Variants in RAB37 observed in about 807,000 individuals in gnomAD.
RAB37 encodes RAB37, member RAS oncogene family, also known as ras-related protein Rab-37.
RAB37 carries 29 observed loss-of-function variants against 33.1 expected under a neutral mutation model. That is an observed-to-expected ratio of 0.88 (90% CI 0.65 to 1.20). The LOEUF (loss-of-function observed/expected upper bound fraction) is 1.20. Among genes scored for constraint, RAB37 ranks in the 50% most tolerant of loss-of-function variants. The pLI is 0.00. For synonymous variants in RAB37, 128 were observed against 119.5 expected (o/e 1.07, Z -0.47); for missense variants, 299 against 301.1 (o/e 0.99, Z 0.05).
At chr17:74,698,628 A>T in intron 1 of RAB37, 1 of 1,476,974 alleles carries the variant, frequency 6.8e-7, no homozygotes, top group South Asian at 1.4e-5. Flanking sequence ...ACTCCTGGGG[A>T]TCCTCAAAGA....
At chr17:74,681,611 C>T (rs2031956254) in intron 1 of RAB37, among the ~76,000 whole-genome samples, 2 of 152,230 alleles carry the variant, frequency 1.3e-5, no homozygotes, top group South Asian at 4.1e-4. Flanking sequence ...CTTGGGAAAA[C>T]AGAGGGGCAC....
At position 74,729,661 on chromosome 17, in the gene RAB37, G is replaced by A. The variant is rs1432320954; in HGVS notation, c.183+295G>A. On this transcript the variant is annotated intron_variant, in intron 2 of 7. Coordinates refer to the RAB37 transcript ENST00000340415. The surrounding 1 kb of genome is among the most constrained non-coding windows in gnomAD (Gnocchi z 4.2). Reference sequence around the variant, plus strand: ...GGGTGAGCTGCCTGGCAGGAGCTGCGTGGGACTTTCAGTGGAGGGACACAG... The same window carrying A: ...GGGTGAGCTGCCTGGCAGGAGCTGCATGGGACTTTCAGTGGAGGGACACAG... Among the ~76,000 whole-genome samples the A allele has an allele frequency of 3.3e-5, 5 of 152,036 alleles. No homozygotes were observed. Among genetic ancestry groups the A allele is most frequent in the African/African-American group, 9.7e-5 (4 of 41,400 alleles).
At position 74,744,530 on chromosome 17, in the gene RAB37, C is replaced by T. The variant is rs1218020414; in HGVS notation, c.432+157C>T. On this transcript the variant is annotated intron_variant, in intron 6 of 8. Coordinates refer to ENST00000392613, the MANE Select transcript of RAB37 (RefSeq NM_001006638.3). The surrounding 1 kb of genome is among the most constrained non-coding windows in gnomAD (Gnocchi z 4.2). Reference sequence around the variant, plus strand: ...GACATATCTGGAGGCTTCTGCCCATCCCATCTGCCCCTTCCAGGGAAAGTC... The same window carrying T: ...GACATATCTGGAGGCTTCTGCCCATTCCATCTGCCCCTTCCAGGGAAAGTC... The T allele has an allele frequency of 1.4e-6, 1 of 697,032 alleles. No individual in the cohort carries two copies. Among genetic ancestry groups the T allele is most frequent in the Non-Finnish European group, 2.5e-6 (1 of 406,150 alleles). The allele number at this position is 697,032 out of a possible 1,614,324, so 43.2% of individuals were successfully genotyped here.
At position 74,729,785 on chromosome 17, in the gene RAB37, G is replaced by A. The variant is rs968867822; in HGVS notation, c.183+419G>A. Among the ~76,000 whole-genome samples, 6 of 152,244 alleles carry A rather than the reference G, an allele frequency of 3.9e-5. No individual in the cohort carries two copies. Among genetic ancestry groups the A allele is most frequent in the African/African-American group, 1.4e-4 (6 of 41,542 alleles). On this transcript the variant is annotated intron_variant, in intron 2 of 7. Transcript: ENST00000340415. This position sits in a 1 kb window ranked among gnomAD's most constrained non-coding sequence, Gnocchi z 4.2. The stretch of plus-strand genomic sequence containing the variant: ...CCATCTCCTTCTGGGGCTCCACATT[G>A]GATGAACGCAAGTGGAAGCCAGAAA...
At chr17:74,740,666 G>A (rs190986860) in intron 1 of RAB37, 102 bp from the exon 2 acceptor site, 45 of 846,612 alleles carry the variant, frequency 5.3e-5, no homozygotes, top group East Asian at 1.5e-4. Flanking sequence ...GTCAGCATTC[G>A]TGCCAGCCCC....
intron 1 of RAB37, among the ~76,000 whole-genome samples, chr17:74,692,647 C>T (rs1324769033): frequency 2.0e-5 from 3 of 152,134 alleles, no homozygotes; most frequent in Non-Finnish European, 4.4e-5. Flanking sequence ...TACAATCCCC[C>T]CATCCAACAA....
intron 1 of RAB37, among the ~76,000 whole-genome samples, chr17:74,705,012 C>G (rs1288983546): frequency 1.3e-5 from 2 of 152,196 alleles, no homozygotes. Flanking sequence ...CACTGAAGAG[C>G]ACAACAACGG....
intron 1 of RAB37, chr17:74,703,040 G>A (rs763772328): frequency 1.7e-5 from 28 of 1,613,264 alleles, no homozygotes; most frequent in Non-Finnish European, 2.1e-5. Flanking sequence ...CTTACCTGTT[G>A]TCCAAGTGGT....
chr17:74,715,316 C>A (rs555415248), intron 1 of RAB37, among the ~76,000 whole-genome samples: 1 of 152,288 alleles, frequency 6.6e-6, no homozygotes, highest in African/African-American at 2.4e-5. Flanking sequence ...GCACAGAAAA[C>A]CACAGCAGCT....
chr17:74,705,186 C>G (rs1458226170), intron 1 of RAB37: 3 of 697,458 alleles, frequency 4.3e-6, no homozygotes, highest in Non-Finnish European at 5.3e-6. Context: ...CAGGAGACCC[C>G]TTTCCACAGG....
Position 74,729,261 on chromosome 17 carries a change from C to T in RAB37, c.78C>T (p.Ile26=). 3 of 1,613,360 alleles carry T rather than the reference C, an allele frequency of 1.9e-6. No individual in the cohort carries two copies. Among genetic ancestry groups the T allele is most frequent in the Non-Finnish European group, 8.5e-7 (1 of 1,179,316 alleles). Residue 26 remains isoleucine, a synonymous_variant, in exon 2 of 8, where the codon ATC becomes ATT. Transcript: ENST00000340415. This position sits in a 1 kb window ranked among gnomAD's most constrained non-coding sequence, Gnocchi z 4.2. ...TCTCTATTGTTCCCTTCCAGACCAT[C>T]CTGGTGGGTGACAGTGGTGTGGGAA...
intron 2 of RAB37, among the ~76,000 whole-genome samples, chr17:74,741,726 G>A (rs2034623430): frequency 2.0e-5 from 3 of 152,164 alleles, no homozygotes; most frequent in African/African-American, 7.2e-5. Flanking sequence ...GTGTTCAATA[G>A]AGAAAAGGTC....
In RAB37 at chr17:74,728,693, CTGTGCATGTG is replaced by C. The variant is rs568142578; in HGVS notation, c.73-549_73-540del. ...ATATGTTTGTGTGTGCATGTGTGTT[CTGTGCATGTG>C]TGTGCATGTGTGTTCTGTGCATATA... On this transcript the variant is annotated intron_variant, in intron 1 of 7. Coordinates refer to the RAB37 transcript ENST00000340415. 5.0e-4 allele frequency among the ~76,000 whole-genome samples: 75 copies of C among 149,396 alleles called. 1 individual carries two copies. The highest frequency in any genetic ancestry group is 2.4e-3 in the South Asian group (11 of 4,524).
intron 1 of RAB37, among the ~76,000 whole-genome samples, chr17:74,728,370 T>C (rs1323821748): frequency 6.6e-6 from 1 of 152,006 alleles, no homozygotes; most frequent in Non-Finnish European, 1.5e-5. Context: ...TGTGTGTAGA[T>C]GTTTTTGTGT....
intron 1 of RAB37, among the ~76,000 whole-genome samples, chr17:74,682,388 G>T (rs934330745): frequency 6.6e-6 from 1 of 151,956 alleles, no homozygotes; most frequent in African/African-American, 2.4e-5. Context: ...GCTTCTCCCC[G>T]TGGGGCCCCA....
chr17:74,687,087 G>A (rs1179642245), intron 1 of RAB37, among the ~76,000 whole-genome samples: 1 of 152,178 alleles, frequency 6.6e-6, no homozygotes, highest in East Asian at 1.9e-4. Flanking sequence ...CTGTATTTCT[G>A]ACCTTGGGGG....
At position 74,729,620 on chromosome 17, in the gene RAB37, G is replaced by A. The variant is rs1220257238; in HGVS notation, c.183+254G>A. Reference sequence around the variant, plus strand: ...GAAGGCACCCTCACCAGAACCCAGGGACAAAGCAGGCTGCTGGGTGAGCTG... The same window carrying A: ...GAAGGCACCCTCACCAGAACCCAGGAACAAAGCAGGCTGCTGGGTGAGCTG... On this transcript the variant is annotated intron_variant, in intron 2 of 7. Coordinates refer to the RAB37 transcript ENST00000340415. This position sits in a 1 kb window ranked among gnomAD's most constrained non-coding sequence, Gnocchi z 4.2. Among the ~76,000 whole-genome samples the A allele has an allele frequency of 6.6e-6, 1 of 151,982 alleles. No individual in the cohort carries two copies. The highest frequency in any genetic ancestry group is 1.5e-5 in the Non-Finnish European group (1 of 68,000).
At chr17:74,740,654 C>T (rs986821347) in intron 1 of RAB37, 114 bp from the exon 2 acceptor site, 35 of 762,982 alleles carry the variant, frequency 4.6e-5, no homozygotes, top group Non-Finnish European at 6.8e-5. Flanking sequence ...GCCTTTGGTG[C>T]GGTCAGCATT....
intron 1 of RAB37, among the ~76,000 whole-genome samples, chr17:74,711,885 TTTTTTTC>T (rs552919536): frequency 1.9e-3 from 292 of 150,752 alleles, no homozygotes; most frequent in African/African-American, 6.0e-3. Flanking sequence ...TTTCTTTCTT[TTTTTTTC>T]TTTTTTCTTT....
Sources: gnomAD v4.1 joint callset for allele counts (sites outside exome capture counted in the v4.1 genomes callset) on GRCh38, gnomAD v4.1.1 for gene constraint, Gnocchi (gnomAD v3.1) non-coding constraint, MANE v1.5 for transcripts, NCBI Gene and HGNC (gene_info 2026-07-23, HGNC 2026-07-21) for gene names.